The following SGSM3 variants were observed in gnomAD, a reference collection of about 807,000 sequenced individuals.
SGSM3 encodes small G protein signaling modulator 3.
Under a neutral mutation model 100.5 loss-of-function variants are expected in SGSM3, and 96 were observed. That is an observed-to-expected ratio of 0.96 (90% CI 0.81 to 1.13). The LOEUF (loss-of-function observed/expected upper bound fraction) is 1.13, where lower values mean the gene tolerates loss of function less well. Among genes scored for constraint, SGSM3 ranks in the 50% most tolerant of loss-of-function variants. The pLI, the probability that SGSM3 is intolerant of heterozygous loss-of-function variation, is 0.00. For missense variants in SGSM3, 1,001 were observed against 1,015.8 expected, an observed-to-expected ratio of 0.99 and a Z score of 0.20; for synonymous variants, 483 against 422.8, an observed-to-expected ratio of 1.14 and a Z score of -1.75.
intron 1 of SGSM3, among the ~76,000 whole-genome samples, chr22:40,389,796 C>T (rs2049093343): frequency 6.7e-6 from 1 of 149,702 alleles, no homozygotes; most frequent in Admixed American, 6.7e-5. Context: ...TCCAGCTACT[C>T]GGGAGGCTGA....
intron 1 of SGSM3, among the ~76,000 whole-genome samples, chr22:40,396,450 A>G (rs1158316286): frequency 6.6e-6 from 1 of 152,048 alleles, no homozygotes; most frequent in Non-Finnish European, 1.5e-5. Context: ...AAAATTAGCC[A>G]GGCGTGGTGG....
chr22:40,398,316 G>T (rs895434710), intron 1 of SGSM3, among the ~76,000 whole-genome samples: 1 of 139,550 alleles, frequency 7.2e-6, no homozygotes, highest in Non-Finnish European at 1.5e-5. Flanking sequence ...CCCCACTGTT[G>T]TGTCCCAGCT....
chr22:40,408,179 C>T, intron 15 of SGSM3, 59 bp downstream of exon 15: 6 of 1,607,884 alleles, frequency 3.7e-6, no homozygotes, highest in Non-Finnish European at 4.3e-6. Flanking sequence ...GCCTGCGTGC[C>T]TAGCGAGTCC....
chr22:40,405,544 GCCC>G (rs1052661082), intron 7 of SGSM3, 102 bp from the exon 8 acceptor site: 6 of 1,079,780 alleles, frequency 5.6e-6, no homozygotes, highest in African/African-American at 3.2e-5. Context: ...CAGCATGCGT[GCCC>G]CCCAAGAGGC....
At position 40,409,488 on chromosome 22, in the gene SGSM3, G is replaced by T. The variant is rs1017134561; in HGVS notation, c.2135G>T (p.Ser712Ile). 11 of 1,586,782 alleles carry T rather than the reference G, an allele frequency of 6.9e-6. No individual in the cohort carries two copies. The highest frequency in any genetic ancestry group is 9.4e-6 in the Non-Finnish European group (11 of 1,166,366). Reference sequence around the variant, plus strand: ...AGAGTCCTCTGCTGCTTTGCCTTCAGCCTCTCCCAGGACTGGGAGCTCCCT... The same window carrying T: ...AGAGTCCTCTGCTGCTTTGCCTTCATCCTCTCCCAGGACTGGGAGCTCCCT... ...ELRVLCCFAF[S>I]LSQDWELPAK... is the part of the protein sequence containing the mutation. Residue 712 changes from serine to isoleucine, a missense_variant, in exon 21 of 22, where the codon AGC becomes ATC. Coordinates refer to ENST00000248929, the MANE Select transcript of SGSM3 (RefSeq NM_015705.6).
rs201841690 is a variant in SGSM3 at position 40,407,541 on chromosome 22, G to A, written c.1497G>A (p.Leu499=). The A allele has an allele frequency of 1.9e-6, 3 of 1,605,306 alleles. No homozygotes were observed. The highest frequency in any genetic ancestry group is 4.5e-5 in the East Asian group (2 of 44,872). Residue 499 remains leucine (L), a synonymous_variant, in exon 13 of 22, where the codon CTG becomes CTA. Transcript: ENST00000248929. The surrounding 1 kb of genome is among the most constrained non-coding windows in gnomAD (Gnocchi z 4.7). ...LDFERHDDDE[L]GFRKNDIITI... ...TTGAGCGGCACGACGACGACGAGCT[G>A]GGCTTCCGCAAGAACGACATCATCA...
chr22:40,409,976 C>CAGTT lies in SGSM3; in HGVS notation c.*218_*221dup. The stretch of plus-strand genomic sequence containing the variant: ...CTTAGGGATGCTCTAGGCCAAACCA[C>CAGTT]AGTTTGTACCAAAAACCTTGTGAGG... On this transcript the variant is annotated 3_prime_UTR_variant, in exon 22 of 22. Transcript: ENST00000248929. 2 of 1,345,928 alleles carry CAGTT rather than the reference C, an allele frequency of 1.5e-6. No homozygotes were observed. Among genetic ancestry groups the CAGTT allele is most frequent in the Non-Finnish European group, 1.9e-6 (2 of 1,055,384 alleles). The allele number at this position is 1,345,928 out of a possible 1,614,324, so 83.4% of individuals were successfully genotyped here. A position where few individuals can be genotyped will look rare whatever the true frequency, so the allele number is the denominator to read the frequency against.
rs762596008 is a variant in SGSM3 at position 40,407,176 on chromosome 22, C to T, written c.1241-25C>T. 1 of 1,613,176 alleles carries T rather than the reference C, an allele frequency of 6.2e-7. No homozygotes were observed. The highest frequency in any genetic ancestry group is 8.5e-7 in the Non-Finnish European group (1 of 1,179,638). On this transcript the variant is annotated intron_variant, in intron 11 of 21. Coordinates refer to ENST00000248929, the MANE Select transcript of SGSM3 (RefSeq NM_015705.6). This position sits in a 1 kb window ranked among gnomAD's most constrained non-coding sequence, Gnocchi z 4.7. ...TCGGGGGCCTGGAGTGGGCTGTGGT[C>T]ACCATGGTTCTCTGGGCCTCCTAGG...
intron 1 of SGSM3, among the ~76,000 whole-genome samples, chr22:40,386,955 T>G (rs1170015361): frequency 2.6e-5 from 4 of 152,184 alleles, no homozygotes; most frequent in Non-Finnish European, 5.9e-5. Context: ...TTTTAGTTGC[T>G]TTGTGTCTTA....
At chr22:40,409,223 G>A (rs1457656644) in intron 19 of SGSM3, 27 bp from the exon 20 acceptor site, 2 of 1,579,476 alleles carry the variant, frequency 1.3e-6, no homozygotes, top group African/African-American at 1.3e-5. Flanking sequence ...AGCTGCCCCT[G>A]CTCCCCACTC....
chr22:40,407,753 C>A lies in SGSM3; in HGVS notation c.1525-36C>A. On this transcript the variant is annotated intron_variant, in intron 13 of 21. Transcript: ENST00000248929. This position sits in a 1 kb window ranked among gnomAD's most constrained non-coding sequence, Gnocchi z 4.7. ...TGCAGGAGGCGCTGGCCCAGGGCAC[C>A]CAGCTTTGGTTCCTGCTGTTTTTCC... 1 of 1,613,340 alleles carries A rather than the reference C, an allele frequency of 6.2e-7. No homozygotes were observed. Among genetic ancestry groups the A allele is most frequent in the Non-Finnish European group, 8.5e-7 (1 of 1,179,426 alleles).
chr22:40,401,166 C>T (rs1466007902), intron 2 of SGSM3, among the ~76,000 whole-genome samples: 8 of 152,188 alleles, frequency 5.3e-5, no homozygotes, highest in African/African-American at 1.4e-4. Flanking sequence ...CTACCCAGCA[C>T]GCTTGAGATG....
rs2051420493 is a variant in SGSM3 at position 40,405,897 on chromosome 22, C to T, written c.814+53C>T. 5.8e-6 allele frequency: 9 copies of T among 1,556,146 alleles called. No individual in the cohort carries two copies. The South Asian group carries it at 5.9e-5, about 10-fold the overall frequency. ...CATTCTGCAGCTTGGAGGACTCAGG[C>T]GGGTGGCCGAGTGGGGATAGGGCAC... On this transcript the variant is annotated intron_variant, in intron 8 of 21. Transcript: ENST00000248929.
At chr22:40,404,129 G>A (rs569842143) in intron 4 of SGSM3, 118 bp from the exon 5 acceptor site, 4 of 775,238 alleles carry the variant, frequency 5.2e-6, no homozygotes, top group African/African-American at 3.5e-5. Context: ...TGGATATGGT[G>A]GGAGAGAGCT....
At chr22:40,385,015 GAGAA>G (rs1248314239) in intron 1 of SGSM3, among the ~76,000 whole-genome samples, 1 of 152,184 alleles carries the variant, frequency 6.6e-6, no homozygotes, top group East Asian at 1.9e-4. Context: ...TGGGGGTCTG[GAGAA>G]AGAAGAGGCA....
chr22:40,408,393 TG>T lies in SGSM3; in HGVS notation c.1751del (p.Gly584AlafsTer43), dbSNP rs781536739. 6.2e-7 allele frequency: 1 copy of T among 1,613,452 alleles called. No individual in the cohort carries two copies. Among genetic ancestry groups the T allele is most frequent in the South Asian group, 1.1e-5 (1 of 91,084 alleles). The part of the protein sequence containing the change: ...EHGLKKPSLL[G>X]GACHPWLFIE... ...ATGGACTGAAGAAGCCATCCCTGCT[TG>T]GGGGCGCCTGCCACCCCTGGCTGTT... On this transcript the variant is annotated frameshift_variant, in exon 16 of 22. Transcript: ENST00000248929. LOFTEE classifies it high-confidence loss of function.
At chr22:40,400,659 A>AAAAATT (rs2050631489) in intron 1 of SGSM3, 37 bp from the exon 2 acceptor site, 7 of 828,580 alleles carry the variant, frequency 8.4e-6, no homozygotes, top group Middle Eastern at 2.9e-4. Flanking sequence ...AAATAAAAAT[A>AAAAATT]AAAATAGAAT....
Position 40,407,643 on chromosome 22 carries a change from C to T in SGSM3, c.1524+75C>T. 2 of 1,580,544 alleles carry T rather than the reference C, an allele frequency of 1.3e-6. No homozygotes were observed. The highest frequency in any genetic ancestry group is 1.3e-5 in the African/African-American group (1 of 74,556). On this transcript the variant is annotated intron_variant, in intron 13 of 21. Transcript: ENST00000248929. The surrounding 1 kb of genome is among the most constrained non-coding windows in gnomAD (Gnocchi z 4.7). ...CAGACTCCCTCCACCAAGCCCCACC[C>T]CAACCCCTTTCCCTGCCAAGAGCTT...
intron 1 of SGSM3, among the ~76,000 whole-genome samples, chr22:40,398,857 A>G (rs2050376449): frequency 7.1e-6 from 1 of 141,062 alleles, no homozygotes; most frequent in Non-Finnish European, 1.5e-5. Flanking sequence ...AGGCATAGGT[A>G]TTATTATTCC....
Sources: allele counts gnomAD v4.1 joint callset (sites outside exome capture counted in the v4.1 genomes callset), GRCh38; gene constraint gnomAD v4.1.1; non-coding constraint Gnocchi (gnomAD v3.1); transcripts MANE v1.5; gene names NCBI Gene and HGNC (gene_info 2026-07-23, HGNC 2026-07-21).